NHS: variants seen among roughly 807,000 people sequenced by gnomAD.
NHS encodes the protein actin remodeling regulator NHS.
In NHS, 5 loss-of-function variants were observed where a neutral mutation model predicts 72.5. The ratio of observed to expected loss-of-function variants is 0.07; its 90% CI spans 0.04 to 0.14. The LOEUF is 0.14. Among genes scored for constraint, NHS ranks in the 10% least tolerant of loss-of-function variants. The pLI is 1.00. For synonymous variants in NHS, 464 were observed against 547.7 expected (o/e 0.85, Z 2.13); for missense variants, 1,072 against 1,355.7 (o/e 0.79, Z 3.29).
chrX:17,702,919 C>T (rs778930159), intron 3 of NHS, among the ~76,000 whole-genome samples: 26 of 110,601 alleles, frequency 2.4e-4, no homozygotes, highest in Non-Finnish European at 4.5e-4. Context: ...CACTCCCCTG[C>T]TTCCCACCCC....
rs770353541 is a variant in NHS at position 17,727,947 on chromosome X, C to T, written c.3841C>T (p.Arg1281Cys). ...AGGATTTCAGAGGGTCTCTGCTGCC[C>T]GCCCAAATGATTTGGATGGTAAAAT... ...TEGFQRVSAARPNDLDGKIIQ... is the reference protein window; with the variant it reads ...TEGFQRVSAACPNDLDGKIIQ... The change falls in exon 7 of 9, where the codon CGC becomes TGC. Residue 1281 changes from arginine to cysteine, a missense_variant. By Grantham distance (180) the Arg-to-Cys change is radical (BLOSUM62 -3). Transcript: ENST00000676302. The T allele has an allele frequency of 9.1e-5, 110 of 1,209,377 alleles. No individual in the cohort carries two copies. Among genetic ancestry groups the T allele is most frequent in the Non-Finnish European group, 1.1e-4 (101 of 895,153 alleles).
chrX:17,398,800 G>A (rs1406636072), intron 1 of NHS, among the ~76,000 whole-genome samples: 2 of 111,826 alleles, frequency 1.8e-5, no homozygotes, highest in Non-Finnish European at 3.8e-5. Flanking sequence ...TGAGGCCCAG[G>A]CTTAGGGCTG....
At chrX:17,708,642 T>C (rs889669116) in intron 3 of NHS, among the ~76,000 whole-genome samples, 3 of 111,247 alleles carry the variant, frequency 2.7e-5, no homozygotes, top group Admixed American at 9.6e-5. Flanking sequence ...TTAAACTTCA[T>C]GGGAAACATA....
chrX:17,466,149 G>A (rs2064869900), intron 1 of NHS, among the ~76,000 whole-genome samples: 1 of 113,171 alleles, frequency 8.8e-6, no homozygotes, highest in African/African-American at 3.2e-5. Context: ...TGCCCTGTCG[G>A]GCATCATATT....
intron 1 of NHS, among the ~76,000 whole-genome samples, chrX:17,517,876 T>C (rs1022906441): frequency 3.6e-5 from 4 of 111,859 alleles, no homozygotes; most frequent in Non-Finnish European, 7.5e-5. Flanking sequence ...TCCTCCCTCC[T>C]GAGAAGAGTT....
chrX:17,530,930 T>C (rs1310046676), intron 1 of NHS, among the ~76,000 whole-genome samples: 12 of 111,810 alleles, frequency 1.1e-4, no homozygotes, highest in African/African-American at 3.9e-4. Context: ...CCCAAAGTGC[T>C]GGAATTTCAG....
At chrX:17,731,257 CAG>C (rs2066485308) in intron 8 of NHS, among the ~76,000 whole-genome samples, 1 of 65,121 alleles carries the variant, frequency 1.5e-5, no homozygotes, top group Non-Finnish European at 2.6e-5. Context: ...TTTTTTGAGG[CAG>C]AGTCTTGCTC....
chrX:17,720,174 G>A (rs1029350161), intron 4 of NHS, among the ~76,000 whole-genome samples: 1 of 111,391 alleles, frequency 9.0e-6, no homozygotes, highest in South Asian at 3.8e-4. Flanking sequence ...CAAGGGGGGA[G>A]TCATATCCTG....
At position 17,501,234 on chromosome X, in the gene NHS, C is replaced by T. The variant is rs778427488; in HGVS notation, c.565+124912C>T. Among the ~76,000 whole-genome samples, 11 of 109,194 alleles carry T rather than the reference C, an allele frequency of 1.0e-4. No individual in the cohort carries two copies. In the South Asian group the frequency reaches 4.5e-3, roughly 45 times the overall value. 94.8% of individuals were successfully genotyped at this position (109,194 alleles called of 115,157 possible). A position where few individuals can be genotyped will look rare whatever the true frequency, so the allele number is the denominator to read the frequency against. On this transcript the variant is annotated intron_variant, in intron 1 of 8. Transcript: ENST00000676302. ...AAAAAATCAGCCATGTGTGGTGGTG[C>T]ATGCCTGTGGGCCCAGGCTGAGATG...
Position 17,437,919 on chromosome X carries a change from G to C in NHS, c.565+61597G>C, listed in dbSNP as rs1040458426. On this transcript the variant is annotated intron_variant, in intron 1 of 8. Coordinates refer to ENST00000676302, the MANE Select transcript of NHS (RefSeq NM_001291867.2). ...CTGTGTGTGAGCATTTCAAAGAGAG[G>C]GAGGGAGAGGAAGAGCAAACGAGCG... Among the ~76,000 whole-genome samples, 3 of 112,095 alleles carry C rather than the reference G, an allele frequency of 2.7e-5. No homozygotes were observed. The Admixed American group carries it at 2.8e-4, about 11-fold the overall frequency.
chrX:17,389,431 T>A (rs2064428729), intron 1 of NHS, among the ~76,000 whole-genome samples: 1 of 111,226 alleles, frequency 9.0e-6, no homozygotes, highest in South Asian at 3.8e-4. Flanking sequence ...CAAGACAAAT[T>A]GAAATAGTGG....
At chrX:17,696,379 T>C (rs1447250366) in intron 3 of NHS, among the ~76,000 whole-genome samples, 1 of 111,842 alleles carries the variant, frequency 8.9e-6, no homozygotes, top group African/African-American at 3.3e-5. Flanking sequence ...AAAAACCCAG[T>C]TACTGAAAGT....
chrX:17,383,048 A>C (rs770926567), intron 1 of NHS, among the ~76,000 whole-genome samples: 8 of 111,915 alleles, frequency 7.1e-5, no homozygotes, highest in Non-Finnish European at 1.3e-4. Context: ...CAGAATTCTC[A>C]AGTAGGACTG....
At chrX:17,591,075 C>T (rs751667139) in intron 1 of NHS, among the ~76,000 whole-genome samples, 220 of 112,276 alleles carry the variant, frequency 2.0e-3, no homozygotes, top group African/African-American at 6.9e-3. Context: ...GCCAGGACTT[C>T]TTTTACCCCA....
intron 1 of NHS, among the ~76,000 whole-genome samples, chrX:17,398,297 G>A (rs1290264987): frequency 1.8e-5 from 2 of 111,717 alleles, no homozygotes; most frequent in Non-Finnish European, 3.8e-5. Flanking sequence ...AAAAGGGTTG[G>A]CTGTTTAATA....
intron 1 of NHS, among the ~76,000 whole-genome samples, chrX:17,664,954 T>C (rs1444889176): frequency 7.2e-5 from 8 of 111,271 alleles, no homozygotes; most frequent in Non-Finnish European, 1.5e-4. Context: ...GTATTTGATA[T>C]TTGTGATGCT....
At chrX:17,379,234 A>G (rs1411334996) in intron 1 of NHS, among the ~76,000 whole-genome samples, 2 of 109,178 alleles carry the variant, frequency 1.8e-5, no homozygotes, top group Non-Finnish European at 3.8e-5. Context: ...GATCTGATGT[A>G]CACTTTGGAA....
chrX:17,504,843 A>T (rs752224585), intron 1 of NHS, among the ~76,000 whole-genome samples: 12 of 112,351 alleles, frequency 1.1e-4, no homozygotes, highest in African/African-American at 3.9e-4. Context: ...TTAAAAAATT[A>T]AAATACATGT....
chrX:17,559,428 T>A (rs2065400609), intron 1 of NHS, among the ~76,000 whole-genome samples: 1 of 112,005 alleles, frequency 8.9e-6, no homozygotes, highest in African/African-American at 3.2e-5. Flanking sequence ...GGCAGGGTGC[T>A]TTTAGCTGGA....
Sources: allele counts gnomAD v4.1 joint callset (sites outside exome capture counted in the v4.1 genomes callset), GRCh38; gene constraint gnomAD v4.1.1; transcripts MANE v1.5; gene names NCBI Gene and HGNC (gene_info 2026-07-23, HGNC 2026-07-21).